BCKDHB: variants seen among roughly 807,000 people sequenced by gnomAD.
BCKDHB encodes the protein branched chain keto acid dehydrogenase E1 subunit beta, also known as 2-oxoisovalerate dehydrogenase subunit beta, mitochondrial.
Under a neutral mutation model 48.5 loss-of-function variants are expected in BCKDHB, and 41 were observed. That is an observed-to-expected ratio of 0.85 (90% CI 0.66 to 1.10). BCKDHB has a LOEUF of 1.10. Among genes scored for constraint, BCKDHB ranks in the 50% least tolerant of loss-of-function variants. BCKDHB has a pLI of 0.00. For synonymous variants in BCKDHB, 201 were observed against 174.8 expected (o/e 1.15, Z -1.18); for missense variants, 496 against 494.2 (o/e 1.00, Z -0.03).
At chr6:80,226,389 T>C (rs1406748422) in intron 8 of BCKDHB, among the ~76,000 whole-genome samples, 1 of 152,222 alleles carries the variant, frequency 6.6e-6, no homozygotes, top group African/African-American at 2.4e-5. Flanking sequence ...GCATTGAAAC[T>C]TCCATGACTA....
intron 9 of BCKDHB, among the ~76,000 whole-genome samples, chr6:80,295,961 C>G (rs1721944928): frequency 6.6e-6 from 1 of 152,142 alleles, no homozygotes; most frequent in Non-Finnish European, 1.5e-5. Context: ...GTATACTTTA[C>G]TCAATTGTTA....
chr6:80,191,909 C>T (rs531904018), intron 6 of BCKDHB, among the ~76,000 whole-genome samples: 1 of 152,218 alleles, frequency 6.6e-6, no homozygotes, highest in African/African-American at 2.4e-5. Flanking sequence ...TTAATGAATT[C>T]ATTTAAAAAA....
chr6:80,131,571 C>T (rs1712627820), intron 3 of BCKDHB, among the ~76,000 whole-genome samples: 1 of 152,126 alleles, frequency 6.6e-6, no homozygotes, highest in South Asian at 2.1e-4. Flanking sequence ...CTTACCCTCC[C>T]TCCAATCCAT....
rs1482208174 is a variant in BCKDHB, at chr6:80,129,234, G to A, written c.343+5G>A. ...TTGGCTTGCGAGACAAATATGGTAAGTAAATACCTATATGAATAGTATTCT... is the reference window on the plus strand; with the variant it reads ...TTGGCTTGCGAGACAAATATGGTAAATAAATACCTATATGAATAGTATTCT... On this transcript the variant is annotated splice_donor_5th_base_variant and intron_variant, in intron 3 of 9. Coordinates refer to ENST00000320393, the MANE Select transcript of BCKDHB (RefSeq NM_183050.4). 1.9e-6 allele frequency: 3 copies of A among 1,601,876 alleles called. No homozygotes were observed. Among genetic ancestry groups the A allele is most frequent in the Non-Finnish European group, 8.5e-7 (1 of 1,169,756 alleles).
At chr6:80,240,812 G>A (rs1379084553) in intron 8 of BCKDHB, among the ~76,000 whole-genome samples, 1 of 152,008 alleles carries the variant, frequency 6.6e-6, no homozygotes, top group Non-Finnish European at 1.5e-5. Flanking sequence ...GCTAGGTTGG[G>A]GAAGTTCTCC....
chr6:80,452,603 C>T, the BCKDHB span, among the ~76,000 whole-genome samples: 1 of 152,096 alleles, frequency 6.6e-6, no homozygotes, highest in South Asian at 2.1e-4. Context: ...GTGTGTGTGA[C>T]AGTTTAACTT....
At chr6:80,157,014 G>T (rs995623212) in intron 3 of BCKDHB, among the ~76,000 whole-genome samples, 45 of 152,174 alleles carry the variant, frequency 3.0e-4, no homozygotes, top group African/African-American at 1.1e-3. Flanking sequence ...AGTGGTTTAA[G>T]TTGGCATTAG....
Position 80,344,048 on chromosome 6 carries a change from T to TGA in BCKDHB, c.*244_*245insGA. On this transcript the variant is annotated 3_prime_UTR_variant, in exon 10 of 10. Transcript: ENST00000320393. ...TGGAGTCTCACTCTGTCGCCCAGGC[T>TGA]AGACTGCAGTGGTGCAATCTCAGCT... 52 of 498,406 alleles carry TGA rather than the reference T, an allele frequency of 1.0e-4. No homozygotes were observed. The highest frequency in any genetic ancestry group is 1.7e-4 in the Non-Finnish European group (48 of 275,230). 30.9% of individuals were successfully genotyped at this position (498,406 alleles called of 1,614,324 possible).
At position 80,305,440 on chromosome 6, in the gene BCKDHB, T is replaced by A. The variant is rs563620183; in HGVS notation, c.1038+32219T>A. Among the ~76,000 whole-genome samples, 111 of 152,118 alleles carry A rather than the reference T, an allele frequency of 7.3e-4. No homozygotes were observed. The Middle Eastern group carries it at 0.014, about 19-fold the overall frequency. On this transcript the variant is annotated intron_variant, in intron 9 of 9. Transcript: ENST00000320393. ...AAAATTATGACTTAATTAAAAAAAATTTAAAAATGTTTTTTAAAAGACTGT... is the reference window on the plus strand; with the variant it reads ...AAAATTATGACTTAATTAAAAAAAAATTAAAAATGTTTTTTAAAAGACTGT...
intron 9 of BCKDHB, among the ~76,000 whole-genome samples, chr6:80,329,501 G>A (rs951882834): frequency 2.6e-5 from 4 of 152,072 alleles, no homozygotes; most frequent in African/African-American, 9.7e-5. Flanking sequence ...AAAGTATGAA[G>A]ACAATCTGTT....
intron 9 of BCKDHB, among the ~76,000 whole-genome samples, chr6:80,292,484 G>C (rs1766976523): frequency 6.6e-6 from 1 of 152,032 alleles, no homozygotes; most frequent in East Asian, 1.9e-4. Flanking sequence ...GCCTGGGGAA[G>C]ACCCATCCCC....
At chr6:80,272,923 TA>T (rs1777810608) in intron 8 of BCKDHB, among the ~76,000 whole-genome samples, 1 of 152,148 alleles carries the variant, frequency 6.6e-6, no homozygotes, top group African/African-American at 2.4e-5. Flanking sequence ...CTACTGGGAT[TA>T]CAAACCATAT....
chr6:80,107,063 A>AT (rs1228192824), intron 1 of BCKDHB, among the ~76,000 whole-genome samples, 174 bp downstream of exon 1: 2 of 151,476 alleles, frequency 1.3e-5, no homozygotes, highest in Non-Finnish European at 2.9e-5. Flanking sequence ...TTCTTGCTCT[A>AT]TTTTTGTGAC....
At chr6:80,393,162 C>T in the BCKDHB span, among the ~76,000 whole-genome samples, 229 of 152,154 alleles carry the variant, frequency 1.5e-3, 1 homozygote, top group African/African-American at 4.7e-3. Context: ...TTCTCTGTAG[C>T]CATGAATTGC....
the BCKDHB span, among the ~76,000 whole-genome samples, chr6:80,425,064 T>A: frequency 6.6e-6 from 1 of 152,168 alleles, no homozygotes; most frequent in Non-Finnish European, 1.5e-5. Context: ...TTTCCCAGAC[T>A]GAAGAAGTGG....
chr6:80,322,238 C>CTTTTTTTTTTTTTTT (rs776940885), intron 9 of BCKDHB, among the ~76,000 whole-genome samples: 15 of 116,656 alleles, frequency 1.3e-4, no homozygotes, highest in South Asian at 5.4e-4. Context: ...TCTTTCTTTT[C>CTTTTTTTTTTTTTTT]TTTTTTTTTT....
At chr6:80,299,814 A>C (rs1045852947) in intron 9 of BCKDHB, among the ~76,000 whole-genome samples, 2 of 152,210 alleles carry the variant, frequency 1.3e-5, no homozygotes, top group Non-Finnish European at 2.9e-5. Flanking sequence ...TTTACATAAC[A>C]GATAGCTAAC....
At chr6:80,234,438 A>C (rs572599850) in intron 8 of BCKDHB, among the ~76,000 whole-genome samples, 55 of 152,320 alleles carry the variant, frequency 3.6e-4, no homozygotes, top group Non-Finnish European at 3.5e-4. Flanking sequence ...TTGTATATAA[A>C]TATAGATTGG....
intron 8 of BCKDHB, among the ~76,000 whole-genome samples, chr6:80,252,001 C>T (rs1252083422): frequency 6.6e-6 from 1 of 152,170 alleles, no homozygotes; most frequent in Non-Finnish European, 1.5e-5. Flanking sequence ...ATAGCTAGCA[C>T]TATAGCATGC....
Sources: allele counts gnomAD v4.1 joint callset (sites outside exome capture counted in the v4.1 genomes callset), GRCh38; gene constraint gnomAD v4.1.1; transcripts MANE v1.5; gene names NCBI Gene and HGNC (gene_info 2026-07-23, HGNC 2026-07-21).